EPHA5: variants seen among roughly 807,000 people sequenced by gnomAD.
EPHA5 encodes EPH receptor A5.
In EPHA5, 60 loss-of-function variants were observed where a neutral mutation model predicts 105.0. The ratio of observed to expected loss-of-function variants is 0.57; its 90% confidence interval spans 0.46 to 0.71. The LOEUF is 0.71. Ranked by LOEUF, EPHA5 falls within the 30% of genes least tolerant of loss-of-function variation. The pLI is 0.00. For missense variants in EPHA5, 1,218 were observed against 1,274.7 expected (o/e 0.96, Z 0.68); for synonymous variants, 513 against 449.1 (o/e 1.14, Z -1.80).
At chr4:65,497,326 T>C (rs892280900) in intron 3 of EPHA5, among the ~76,000 whole-genome samples, 1 of 152,122 alleles carries the variant, frequency 6.6e-6, no homozygotes, top group Non-Finnish European at 1.5e-5. Flanking sequence ...AATCAGGAAT[T>C]GGCAAAATTG....
intron 2 of EPHA5, among the ~76,000 whole-genome samples, chr4:65,624,745 G>A (rs1288561593): frequency 6.6e-6 from 1 of 152,148 alleles, no homozygotes; most frequent in Non-Finnish European, 1.5e-5. Context: ...AAGCAAAGGA[G>A]TCTTGATGTT....
At chr4:65,519,402 T>G (rs913996252) in intron 3 of EPHA5, among the ~76,000 whole-genome samples, 5 of 151,828 alleles carry the variant, frequency 3.3e-5, no homozygotes, top group Admixed American at 3.3e-4. Context: ...CTATCTATGA[T>G]AAACCCACAG....
intron 5 of EPHA5, among the ~76,000 whole-genome samples, chr4:65,435,405 G>A (rs1191120342): frequency 6.6e-6 from 1 of 152,042 alleles, no homozygotes; most frequent in Non-Finnish European, 1.5e-5. Flanking sequence ...CATTTGTATG[G>A]TTTTTTCATC....
chr4:65,520,110 C>T (rs1734534441), intron 3 of EPHA5, among the ~76,000 whole-genome samples: 1 of 152,156 alleles, frequency 6.6e-6, no homozygotes, highest in Non-Finnish European at 1.5e-5. Context: ...AGGTATCACA[C>T]TATCTGACTT....
chr4:65,375,442 A>G (rs1037516064), intron 8 of EPHA5, among the ~76,000 whole-genome samples: 1 of 151,758 alleles, frequency 6.6e-6, no homozygotes, highest in Non-Finnish European at 1.5e-5. Flanking sequence ...CTGCCCTTCT[A>G]TTTTCCTTCT....
At chr4:65,375,193 A>AT (rs983648171) in intron 8 of EPHA5, among the ~76,000 whole-genome samples, 1 of 151,808 alleles carries the variant, frequency 6.6e-6, no homozygotes, top group African/African-American at 2.4e-5. Flanking sequence ...CCAAGAATAT[A>AT]TTTTTTAATA....
chr4:65,667,690 C>T (rs1263971010), intron 1 of EPHA5, among the ~76,000 whole-genome samples: 1 of 152,150 alleles, frequency 6.6e-6, no homozygotes, highest in Non-Finnish European at 1.5e-5. Context: ...ACAGTCTTGG[C>T]TCTTGTTCCC....
Position 65,321,323 on chromosome 4 carries a change from A to C in EPHA5, c.*2791T>G, listed in dbSNP as rs900830977. On this transcript the variant is annotated 3_prime_UTR_variant, in exon 17 of 17. Coordinates refer to ENST00000613740, the MANE Select transcript of EPHA5 (RefSeq NM_001281766.3). ...GAATCAACAGAATAAGAAATTACAC[A>C]ATCAAGATTTGTTAAACTTTGCCTT... 4.3e-6 allele frequency: 1 copy of C among 230,376 alleles called. No homozygotes were observed. Among genetic ancestry groups the C allele is most frequent in the African/African-American group, 2.2e-5 (1 of 45,144 alleles). 14.3% of individuals were successfully genotyped at this position (230,376 alleles called of 1,614,324 possible).
intron 3 of EPHA5, among the ~76,000 whole-genome samples, chr4:65,568,459 ATAATT>A (rs1452036195): frequency 6.6e-6 from 1 of 151,410 alleles, no homozygotes; most frequent in African/African-American, 2.4e-5. Flanking sequence ...TATTTGGACT[ATAATT>A]TGATTTTAAA....
intron 3 of EPHA5, among the ~76,000 whole-genome samples, chr4:65,520,579 A>C (rs1043920355): frequency 6.6e-6 from 1 of 152,184 alleles, no homozygotes; most frequent in African/African-American, 2.4e-5. Context: ...CTACCATCAG[A>C]GTGAACAGGC....
At chr4:65,486,976 T>C (rs1206847950) in intron 5 of EPHA5, among the ~76,000 whole-genome samples, 1 of 152,158 alleles carries the variant, frequency 6.6e-6, no homozygotes, top group African/African-American at 2.4e-5. Context: ...TCTGGTTGTT[T>C]AAAGTGTGCA....
chr4:65,511,212 T>A (rs1194799724), intron 3 of EPHA5, among the ~76,000 whole-genome samples: 1 of 152,194 alleles, frequency 6.6e-6, no homozygotes, highest in East Asian at 1.9e-4. Context: ...GTTACATTAC[T>A]CAACAAAGTA....
chr4:65,567,696 A>C (rs1463714736), intron 3 of EPHA5, among the ~76,000 whole-genome samples: 1 of 151,662 alleles, frequency 6.6e-6, no homozygotes, highest in African/African-American at 2.4e-5. Context: ...TAAATACAGA[A>C]TATGACTGCA....
chr4:65,440,533 C>CACACACACAG (rs1378174142), intron 5 of EPHA5, among the ~76,000 whole-genome samples: 1 of 151,050 alleles, frequency 6.6e-6, no homozygotes, highest in Non-Finnish European at 1.5e-5. Flanking sequence ...CACACACACA[C>CACACACACAG]AGAGGGAGGA....
chr4:65,422,569 GA>G (rs1560520712), intron 5 of EPHA5, among the ~76,000 whole-genome samples: 1 of 152,012 alleles, frequency 6.6e-6, no homozygotes, highest in Non-Finnish European at 1.5e-5. Context: ...TATAAGGATA[GA>G]AAAAAGTACC....
chr4:65,638,058 A>G (rs1229249339), intron 2 of EPHA5, among the ~76,000 whole-genome samples: 4 of 152,160 alleles, frequency 2.6e-5, no homozygotes, highest in Non-Finnish European at 1.5e-5. Context: ...TTTGAGGTAG[A>G]CATTTTTACC....
chr4:65,397,767 G>A (rs2084683), intron 8 of EPHA5, among the ~76,000 whole-genome samples: 2 of 152,168 alleles, frequency 1.3e-5, no homozygotes, highest in Admixed American at 6.5e-5. Flanking sequence ...TTTCTTACCA[G>A]GGACCCTTAG....
At chr4:65,547,541 C>G (rs116714047) in intron 3 of EPHA5, among the ~76,000 whole-genome samples, 3,339 of 151,884 alleles carry the variant, frequency 0.022, 129 homozygotes, top group African/African-American at 0.075. Context: ...TAAGTCATTT[C>G]TGGTATCTTT....
At position 65,381,739 on chromosome 4, in the gene EPHA5, G is replaced by T. The variant is rs554671444; in HGVS notation, c.1794-14315C>A. On this transcript the variant is annotated intron_variant, in intron 8 of 16. Transcript: ENST00000613740. ...AAAAGTGATGATTTTAGGAGGTAGG[G>T]TATTTGGAAGCTGATAAGATCATAA... Among the ~76,000 whole-genome samples the T allele has an allele frequency of 2.0e-5, 3 of 151,846 alleles. No homozygotes were observed. The South Asian group carries it at 6.2e-4, about 31-fold the overall frequency.
Sources: allele counts gnomAD v4.1 joint callset (sites outside exome capture counted in the v4.1 genomes callset), GRCh38; gene constraint gnomAD v4.1.1; transcripts MANE v1.5; gene names NCBI Gene and HGNC (gene_info 2026-07-23, HGNC 2026-07-21).